Variants in TBL1XR1 observed in about 807,000 individuals in gnomAD.
TBL1XR1 encodes the protein F-box-like/WD repeat-containing protein TBL1XR1.
TBL1XR1 carries 5 observed loss-of-function variants against 66.9 expected under a neutral mutation model. That is an observed-to-expected ratio of 0.07 (90% CI 0.04 to 0.16). The LOEUF is 0.16. Ranked by LOEUF, TBL1XR1 falls within the 10% of genes least tolerant of loss-of-function variation. The pLI, the probability that TBL1XR1 is intolerant of heterozygous loss-of-function variation, is 1.00. For synonymous variants in TBL1XR1, 210 were observed against 206.0 expected, an observed-to-expected ratio of 1.02 and a Z score of -0.17; for missense variants, 238 against 623.2, an observed-to-expected ratio of 0.38 and a Z score of 6.58.
upstream of TBL1XR1, among the ~76,000 whole-genome samples, chr3:177,199,836 A>G (rs190876100): frequency 1.3e-4 from 20 of 152,308 alleles, no homozygotes; most frequent in Admixed American, 8.5e-4. Flanking sequence ...TGTAGTTTAC[A>G]AGACATTTCT....
intron 2 of TBL1XR1, among the ~76,000 whole-genome samples, chr3:177,077,617 T>C (rs1407723167): frequency 6.6e-6 from 1 of 152,072 alleles, no homozygotes; most frequent in African/African-American, 2.4e-5. Flanking sequence ...TATCTAGCCA[T>C]ATGGTACCAC....
chr3:177,091,624 A>G (rs1722854209), intron 2 of TBL1XR1, among the ~76,000 whole-genome samples: 1 of 152,184 alleles, frequency 6.6e-6, no homozygotes, highest in African/African-American at 2.4e-5. Flanking sequence ...GGCCAAGGGA[A>G]TGACATCAAT....
At chr3:177,056,864 C>G (rs1405724546) in intron 3 of TBL1XR1, among the ~76,000 whole-genome samples, 1 of 152,176 alleles carries the variant, frequency 6.6e-6, no homozygotes, top group African/African-American at 2.4e-5. Context: ...TCTGCCAGAT[C>G]TGCGTTTAGT....
rs559855560 is a variant in TBL1XR1 at position 177,197,167 on chromosome 3, G to A, written c.-168C>T. The stretch of plus-strand genomic sequence containing the variant: ...GCCGCTCCCCCCTCCCGGGAATGGA[G>A]GCACAAGGAAATTCCCCTCCTCGCC... On this transcript the variant is annotated 5_prime_UTR_variant, in exon 1 of 16. Coordinates refer to ENST00000457928, the MANE Select transcript of TBL1XR1 (RefSeq NM_024665.7). The A allele has an allele frequency of 4.3e-3, 661 of 154,158 alleles. 5 individuals carry two copies. The highest frequency in any genetic ancestry group is 7.0e-3 in the Non-Finnish European group (483 of 69,220). 9.5% of individuals were successfully genotyped at this position (154,158 alleles called of 1,614,324 possible).
intron 1 of TBL1XR1, among the ~76,000 whole-genome samples, chr3:177,177,877 A>C (rs1313178958): frequency 6.6e-6 from 1 of 150,602 alleles, no homozygotes; most frequent in African/African-American, 2.4e-5. Context: ...GGGACGTTTA[A>C]AAAAAAAAAC....
chr3:177,117,327 G>A (rs565912687), intron 1 of TBL1XR1, among the ~76,000 whole-genome samples: 1 of 152,264 alleles, frequency 6.6e-6, no homozygotes, highest in Non-Finnish European at 1.5e-5. Flanking sequence ...TCCTGGGAAA[G>A]ATATTTTCAG....
chr3:177,149,832 C>T (rs979902444), intron 1 of TBL1XR1, among the ~76,000 whole-genome samples: 1 of 152,216 alleles, frequency 6.6e-6, no homozygotes, highest in Non-Finnish European at 1.5e-5. Context: ...TCCATGGCTG[C>T]TTCCTAACAG....
intron 1 of TBL1XR1, among the ~76,000 whole-genome samples, chr3:177,176,345 C>T (rs1050339754): frequency 6.6e-6 from 1 of 150,780 alleles, no homozygotes; most frequent in Non-Finnish European, 1.5e-5. Context: ...TACAGGCTTG[C>T]GCCACCATGC....
At chr3:177,115,732 T>C (rs1160819053) in intron 1 of TBL1XR1, among the ~76,000 whole-genome samples, 2 of 152,216 alleles carry the variant, frequency 1.3e-5, no homozygotes, top group African/African-American at 4.8e-5. Context: ...TTTTTTTAGT[T>C]TTGAAGCAAG....
chr3:177,142,204 C>G (rs952682627), intron 1 of TBL1XR1, among the ~76,000 whole-genome samples: 2 of 152,074 alleles, frequency 1.3e-5, no homozygotes, highest in Non-Finnish European at 2.9e-5. Context: ...TCAGGGTGAA[C>G]CAGTGGTGTT....
intron 1 of TBL1XR1, among the ~76,000 whole-genome samples, chr3:177,135,322 T>TGTGTGTGTGTGTGA (rs1728814623): frequency 9.8e-6 from 1 of 102,352 alleles, no homozygotes; most frequent in Non-Finnish European, 2.0e-5. Flanking sequence ...TGTGTGTGTG[T>TGTGTGTGTGTGTGA]GTGTGTGTGT....
At chr3:177,159,687 C>A (rs1002887793) in intron 1 of TBL1XR1, among the ~76,000 whole-genome samples, 105 of 152,228 alleles carry the variant, frequency 6.9e-4, no homozygotes, top group African/African-American at 2.4e-3. Flanking sequence ...TAATTATAAT[C>A]AGCGTTAAGT....
In TBL1XR1 at chr3:177,048,248, C is replaced by G. The variant is rs530460759; in HGVS notation, c.703-699G>C. 3.3e-5 allele frequency among the ~76,000 whole-genome samples: 5 copies of G among 152,256 alleles called. No individual in the cohort carries two copies. In the South Asian group the frequency reaches 1.0e-3, roughly 32 times the overall value. ...CAACTTATATTCCCTTGCTGTGCAC[C>G]TTGCCTCGATGAATTGTGTAATAAA... On this transcript the variant is annotated intron_variant, in intron 7 of 15. Coordinates refer to ENST00000457928, the MANE Select transcript of TBL1XR1 (RefSeq NM_024665.7).
intron 1 of TBL1XR1, among the ~76,000 whole-genome samples, chr3:177,163,477 C>T (rs1732459553): frequency 6.6e-6 from 1 of 151,726 alleles, no homozygotes; most frequent in Non-Finnish European, 1.5e-5. Flanking sequence ...CCATTACCAT[C>T]CAGCCTGGGC....
Position 177,065,011 on chromosome 3 carries a change from C to T in TBL1XR1, c.-34G>A. On this transcript the variant is annotated 5_prime_UTR_variant, in exon 3 of 16. The change creates a new upstream start codon in the 5' untranslated region. Coordinates refer to ENST00000457928, the MANE Select transcript of TBL1XR1 (RefSeq NM_024665.7). ...CCACTTAAACCATGAGGTCACAACA[C>T]AGGATATAACCCTAAAAATAAAACA... is the stretch of plus-strand genomic sequence containing the variant. The T allele has an allele frequency of 6.8e-7, 1 of 1,472,876 alleles. No homozygotes were observed. Among genetic ancestry groups the T allele is most frequent in the Non-Finnish European group, 9.0e-7 (1 of 1,117,296 alleles). The allele number at this position is 1,472,876 out of a possible 1,614,324, so 91.2% of individuals were successfully genotyped here.
At chr3:177,182,320 G>A (rs1289104907) in intron 1 of TBL1XR1, among the ~76,000 whole-genome samples, 1 of 152,110 alleles carries the variant, frequency 6.6e-6, no homozygotes, top group Admixed American at 6.6e-5. Flanking sequence ...GGGAGTTCAG[G>A]GCTGCAGTGA....
At chr3:177,175,637 G>C (rs562215242) in intron 1 of TBL1XR1, among the ~76,000 whole-genome samples, 115 of 152,108 alleles carry the variant, frequency 7.6e-4, no homozygotes, top group Non-Finnish European at 1.5e-3. Flanking sequence ...AAACCTCTCA[G>C]AGATTCAACA....
At chr3:177,201,568 G>C (rs1221875088), upstream of TBL1XR1, among the ~76,000 whole-genome samples, 1 of 152,036 alleles carries the variant, frequency 6.6e-6, no homozygotes, top group African/African-American at 2.4e-5. Flanking sequence ...TCAATCCCAG[G>C]ACTACAGGGT....
At chr3:177,060,370 A>G (rs1273553744) in intron 3 of TBL1XR1, among the ~76,000 whole-genome samples, 1 of 152,178 alleles carries the variant, frequency 6.6e-6, no homozygotes, top group Non-Finnish European at 1.5e-5. Context: ...CTAGAAAGTT[A>G]CTCATTTTAG....
Sources: gnomAD v4.1 joint callset for allele counts (sites outside exome capture counted in the v4.1 genomes callset) on GRCh38, gnomAD v4.1.1 for gene constraint, MANE v1.5 for transcripts, NCBI Gene and HGNC (gene_info 2026-07-23, HGNC 2026-07-21) for gene names.